Variants in MTMR9 observed in about 807,000 individuals in gnomAD.
MTMR9 encodes the protein myotubularin related protein 9.
In MTMR9, 39 loss-of-function variants were observed where a neutral mutation model predicts 69.5. The observed-to-expected ratio is 0.56, with a 90% CI of 0.43 to 0.73. The LOEUF is 0.73. Among genes scored for constraint, MTMR9 ranks in the 30% least tolerant of loss-of-function variants. The pLI is 0.00. For synonymous variants in MTMR9, 354 were observed against 240.8 expected (o/e 1.47, Z -4.35); for missense variants, 900 against 671.2 (o/e 1.34, Z -3.77).
intron 5 of MTMR9, among the ~76,000 whole-genome samples, chr8:11,308,865 G>A (rs188856877): frequency 1.5e-3 from 224 of 152,278 alleles, no homozygotes; most frequent in Non-Finnish European, 2.6e-3. Context: ...CCTTTCACTA[G>A]CATTCTTTCT....
intron 9 of MTMR9, chr8:11,321,059 C>G (rs762675191): frequency 6.2e-6 from 1 of 161,858 alleles, no homozygotes; most frequent in Non-Finnish European, 1.4e-5. Flanking sequence ...GAGACCAAAT[C>G]AGTTTCTGTC....
intron 1 of MTMR9, 36 bp downstream of exon 1, chr8:11,285,106 C>CG: frequency 6.7e-7 from 1 of 1,502,260 alleles, no homozygotes; most frequent in South Asian, 1.3e-5. Flanking sequence ...CGCAGGGAGC[C>CG]GGGGGTCCCT....
At chr8:11,306,898 C>A (rs1799959699) in intron 5 of MTMR9, among the ~76,000 whole-genome samples, 1 of 152,260 alleles carries the variant, frequency 6.6e-6, no homozygotes, top group South Asian at 2.1e-4. Flanking sequence ...CTTCCTCTGG[C>A]AACCACCATT....
chr8:11,321,057 A>G (rs1160469804), intron 9 of MTMR9: 1 of 162,122 alleles, frequency 6.2e-6, no homozygotes, highest in East Asian at 1.7e-4. Flanking sequence ...CTGAGACCAA[A>G]TCAGTTTCTG....
downstream of MTMR9, chr8:11,332,192 A>T (rs1489730626): frequency 5.9e-6 from 9 of 1,536,426 alleles, no homozygotes; most frequent in Non-Finnish European, 7.8e-6. Context: ...AAGACAAAAA[A>T]AAAATAAAAG....
the MTMR9 span, among the ~76,000 whole-genome samples, chr8:11,339,424 A>G: frequency 2.0e-5 from 3 of 152,224 alleles, no homozygotes; most frequent in Non-Finnish European, 4.4e-5. Flanking sequence ...AGGGTCCTTA[A>G]TCATTTGGCT....
intron 6 of MTMR9, among the ~76,000 whole-genome samples, chr8:11,314,532 T>C (rs374814192): frequency 1.4e-3 from 213 of 152,302 alleles, no homozygotes; most frequent in African/African-American, 4.9e-3. Flanking sequence ...ATGTCTATAG[T>C]TTTGATGAGA....
downstream of MTMR9, among the ~76,000 whole-genome samples, chr8:11,328,623 G>C (rs1262115904): frequency 6.6e-6 from 1 of 152,192 alleles, no homozygotes; most frequent in Non-Finnish European, 1.5e-5. Flanking sequence ...TATTATTACA[G>C]TAATCATTGA....
intron 6 of MTMR9, 67 bp downstream of exon 6, chr8:11,309,755 A>G (rs1800118656): frequency 6.5e-7 from 1 of 1,541,080 alleles, no homozygotes; most frequent in Non-Finnish European, 8.8e-7. Flanking sequence ...GTTTATCCAG[A>G]CATATGTTTA....
chr8:11,294,117 A>T (rs915457109), intron 1 of MTMR9, among the ~76,000 whole-genome samples: 2 of 152,218 alleles, frequency 1.3e-5, no homozygotes, highest in African/African-American at 4.8e-5. Context: ...GTATCACTGG[A>T]TGAATTTGGG....
rs1382160953 is a variant in MTMR9 at position 11,328,135 on chromosome 8, TAATA to T, written c.*5351_*5354del. 2 of 149,034 alleles carry T rather than the reference TAATA, an allele frequency of 1.3e-5. No individual in the cohort carries two copies. Among genetic ancestry groups the T allele is most frequent in the African/African-American group, 2.5e-5 (1 of 40,326 alleles). 9.2% of individuals were successfully genotyped at this position (149,034 alleles called of 1,614,324 possible). ...ATAAAATCTGAATATATTTAAGTGC[TAATA>T]AATTAAATCTGTGGGCTTATTTGAA... On this transcript the variant is annotated 3_prime_UTR_variant, in exon 10 of 10. Transcript: ENST00000221086.
At position 11,299,255 on chromosome 8, in the gene MTMR9, G is replaced by A. The variant is rs186482056; in HGVS notation, c.292-768G>A. Among the ~76,000 whole-genome samples the A allele has an allele frequency of 3.0e-3, 462 of 152,250 alleles. 3 individuals are homozygous for A. The highest frequency in any genetic ancestry group is 0.011 in the African/African-American group (439 of 41,550). On this transcript the variant is annotated intron_variant, in intron 2 of 9. Coordinates refer to ENST00000221086, the MANE Select transcript of MTMR9 (RefSeq NM_015458.4). ...TGAGGAAGGAGAATCACTTGAACCC[G>A]GGAGGCGGAGGCTGCAGTGAGCCGA...
rs1800942114 is a variant in MTMR9, at chr8:11,326,649, T to C, written c.*3861T>C. 6.6e-6 allele frequency: 1 copy of C among 152,246 alleles called. No individual in the cohort carries two copies. The highest frequency in any genetic ancestry group is 2.1e-4 in the South Asian group (1 of 4,832). The allele number at this position is 152,246 out of a possible 1,614,324, so 9.4% of individuals were successfully genotyped here. A position where few individuals can be genotyped will look rare whatever the true frequency, so the allele number is the denominator to read the frequency against. ...CCTAGTATTCTAAGTTATTACCACA[T>C]AGTATTTTTATGTTACCCATCATCT... On this transcript the variant is annotated 3_prime_UTR_variant, in exon 10 of 10. Transcript: ENST00000221086.
rs117897462 is a variant in MTMR9 at position 11,306,394 on chromosome 8, A to C, written c.796A>C (p.Lys266Gln). 6.9e-4 allele frequency: 1,109 copies of C among 1,613,886 alleles called. 1 individual carries two copies. The highest frequency in any genetic ancestry group is 9.0e-4 in the Non-Finnish European group (1,063 of 1,179,798). ...AHYPQWRRIH[K>Q]SIERYHILQE... Reference sequence around the variant, plus strand: ...TTATCCTCAGTGGAGGCGAATTCATAAGTCCATTGAGAGGTAAAAGATTCC... The same window carrying C: ...TTATCCTCAGTGGAGGCGAATTCATCAGTCCATTGAGAGGTAAAAGATTCC... The change falls in exon 5 of 10, where the codon AAG becomes CAG. Residue 266 changes from lysine to glutamine, a missense_variant. By Grantham distance (53) the Lys-to-Gln change is moderately conservative. Coordinates refer to ENST00000221086, the MANE Select transcript of MTMR9 (RefSeq NM_015458.4).
chr8:11,303,001 A>G (rs927892854), intron 3 of MTMR9, among the ~76,000 whole-genome samples: 6 of 151,924 alleles, frequency 3.9e-5, no homozygotes, highest in African/African-American at 1.5e-4. Flanking sequence ...ATACTCATGG[A>G]TAGAGAGACT....
chr8:11,284,823 C>A lies in MTMR9; in HGVS notation c.-66C>A, dbSNP rs572618723. On this transcript the variant is annotated 5_prime_UTR_variant, in exon 1 of 10. Transcript: ENST00000221086. ...CCCGCGCCGGGTGTTTCCGCTACTT[C>A]CCTGCGGCGGGGTAACCGCCTCGCA... is the stretch of plus-strand genomic sequence containing the variant. 3.1e-5 allele frequency: 45 copies of A among 1,449,228 alleles called. 1 individual carries two copies. Among genetic ancestry groups the A allele is most frequent in the Non-Finnish European group, 3.9e-5 (42 of 1,074,752 alleles). The allele number at this position is 1,449,228 out of a possible 1,614,324, so 89.8% of individuals were successfully genotyped here. A position where few individuals can be genotyped will look rare whatever the true frequency, so the allele number is the denominator to read the frequency against.
Position 11,321,223 on chromosome 8 carries a change from TG to T in MTMR9, c.1486+1388del, listed in dbSNP as rs1423291857. On this transcript the variant is annotated intron_variant, in intron 9 of 9. Transcript: ENST00000221086. ...ATGGTCTTAGATGGTCTTGAGGTTC[TG>T]GGTGTGAGCTTTAGTGCTTTGATTT... 3.5e-5 allele frequency: 12 copies of T among 340,220 alleles called. No individual in the cohort carries two copies. In the East Asian group the frequency reaches 9.0e-4, roughly 25 times the overall value. The allele number at this position is 340,220 out of a possible 1,614,324, so 21.1% of individuals were successfully genotyped here. A position where few individuals can be genotyped will look rare whatever the true frequency, so the allele number is the denominator to read the frequency against.
At chr8:11,331,884 G>C (rs1159327057), downstream of MTMR9, 9 of 1,612,042 alleles carry the variant, frequency 5.6e-6, no homozygotes, top group Non-Finnish European at 7.6e-6. Context: ...GGGGGCAGAG[G>C]GGATCCTCGC....
At chr8:11,287,093 A>T (rs965125561) in intron 1 of MTMR9, among the ~76,000 whole-genome samples, 1 of 152,154 alleles carries the variant, frequency 6.6e-6, no homozygotes. Flanking sequence ...CAGTTTAACC[A>T]TTTCGACCGC....
Sources: allele counts gnomAD v4.1 joint callset (sites outside exome capture counted in the v4.1 genomes callset), GRCh38; gene constraint gnomAD v4.1.1; transcripts MANE v1.5; gene names NCBI Gene and HGNC (gene_info 2026-07-23, HGNC 2026-07-21).